The following LYPLAL1 variants were observed in gnomAD, a reference collection of about 807,000 sequenced individuals.
The protein encoded by LYPLAL1 is lysophospholipase-like protein 1.
Under a neutral mutation model 19.7 loss-of-function variants are expected in LYPLAL1, and 23 were observed. The ratio of observed to expected loss-of-function variants is 1.17; its 90% confidence interval spans 0.84 to 1.65. The LOEUF (loss-of-function observed/expected upper bound fraction) is 1.65. LYPLAL1 is among the 40% of genes most tolerant of loss of function. LYPLAL1 has a pLI of 0.00. For missense variants in LYPLAL1, 355 were observed against 279.4 expected, an observed-to-expected ratio of 1.27 and a Z score of -1.93; for synonymous variants, 119 against 96.3, an observed-to-expected ratio of 1.24 and a Z score of -1.38.
chr1:219,422,415 C>T, the LYPLAL1 span, among the ~76,000 whole-genome samples: 1 of 152,018 alleles, frequency 6.6e-6, no homozygotes, highest in East Asian at 1.9e-4. Context: ...ATAGGACTTC[C>T]CAAGGGTGGC....
the LYPLAL1 span, among the ~76,000 whole-genome samples, chr1:219,378,948 T>A: frequency 6.6e-6 from 1 of 152,190 alleles, no homozygotes; most frequent in Non-Finnish European, 1.5e-5. Context: ...TTGTTCACCA[T>A]TAAATGCTGA....
the LYPLAL1 span, among the ~76,000 whole-genome samples, chr1:219,380,606 G>A: frequency 2.0e-5 from 3 of 152,230 alleles, no homozygotes; most frequent in East Asian, 1.9e-4. Context: ...CACAGATGCC[G>A]CTGTAACTTG....
At chr1:219,181,699 T>C (rs190775628) in intron 2 of LYPLAL1, among the ~76,000 whole-genome samples, 50 of 152,248 alleles carry the variant, frequency 3.3e-4, no homozygotes, top group African/African-American at 1.1e-3. Context: ...TACATGGCTT[T>C]GGTTAATACT....
downstream of LYPLAL1, among the ~76,000 whole-genome samples, chr1:219,215,307 A>G (rs1239763504): frequency 2.6e-5 from 4 of 152,006 alleles, no homozygotes; most frequent in African/African-American, 9.7e-5. Context: ...TACTTGAATT[A>G]TTTCGGACAA....
At chr1:219,305,245 T>A in the LYPLAL1 span, among the ~76,000 whole-genome samples, 8 of 151,958 alleles carry the variant, frequency 5.3e-5, no homozygotes, top group African/African-American at 1.9e-4. Flanking sequence ...TGCCAGGTGA[T>A]GAGATATGAC....
the LYPLAL1 span, among the ~76,000 whole-genome samples, chr1:219,218,067 T>C: frequency 2.0e-5 from 3 of 151,978 alleles, no homozygotes; most frequent in Non-Finnish European, 4.4e-5. Context: ...AAATGTTTAT[T>C]GATAGGATTT....
the LYPLAL1 span, among the ~76,000 whole-genome samples, chr1:219,288,220 G>A: frequency 6.6e-6 from 1 of 152,174 alleles, no homozygotes; most frequent in Non-Finnish European, 1.5e-5. Context: ...CAACCAAGAT[G>A]TTCTTCAGTA....
At chr1:219,386,849 C>T in the LYPLAL1 span, among the ~76,000 whole-genome samples, 153 of 152,142 alleles carry the variant, frequency 1.0e-3, no homozygotes, top group African/African-American at 3.3e-3. Flanking sequence ...CAATAAATTC[C>T]ACCTCTGATA....
chr1:219,199,164 G>T (rs1033719051), intron 3 of LYPLAL1, among the ~76,000 whole-genome samples: 1 of 152,100 alleles, frequency 6.6e-6, no homozygotes, highest in Admixed American at 6.5e-5. Flanking sequence ...ATATGTATGT[G>T]AGTCCCTCAG....
chr1:219,286,078 T>C, the LYPLAL1 span, among the ~76,000 whole-genome samples: 2 of 152,262 alleles, frequency 1.3e-5, no homozygotes, highest in African/African-American at 2.4e-5. Context: ...GGCAAGCAGA[T>C]AACTGAAGCT....
downstream of LYPLAL1, among the ~76,000 whole-genome samples, chr1:219,216,459 GAGC>G (rs1448388884): frequency 6.6e-5 from 10 of 152,188 alleles, no homozygotes; most frequent in East Asian, 1.5e-3. Context: ...GGTGGTAGCA[GAGC>G]AGTGTTTAGT....
At chr1:219,312,216 G>T in the LYPLAL1 span, among the ~76,000 whole-genome samples, 1 of 152,198 alleles carries the variant, frequency 6.6e-6, no homozygotes, top group Non-Finnish European at 1.5e-5. Context: ...GGAGAGCTGG[G>T]CAAGTGAGGG....
the LYPLAL1 span, among the ~76,000 whole-genome samples, chr1:219,248,498 T>C: frequency 6.6e-6 from 1 of 152,166 alleles, no homozygotes; most frequent in Non-Finnish European, 1.5e-5. Context: ...TTTTGATTTC[T>C]CCTTTATTTC....
the LYPLAL1 span, among the ~76,000 whole-genome samples, chr1:219,352,942 CTA>C: frequency 6.6e-6 from 1 of 152,210 alleles, no homozygotes; most frequent in Non-Finnish European, 1.5e-5. Context: ...TTCTTATTTT[CTA>C]TAGTGTCAAA....
At chr1:219,337,141 G>A in the LYPLAL1 span, among the ~76,000 whole-genome samples, 159 of 133,586 alleles carry the variant, frequency 1.2e-3, 1 homozygote, top group African/African-American at 3.5e-3. Flanking sequence ...AAGAAATCTC[G>A]TGATTACATT....
At chr1:219,368,207 A>C in the LYPLAL1 span, among the ~76,000 whole-genome samples, 2 of 152,210 alleles carry the variant, frequency 1.3e-5, no homozygotes, top group Non-Finnish European at 2.9e-5. Flanking sequence ...CAAGGACAAT[A>C]CCAAGGATTC....
chr1:219,283,298 G>A, the LYPLAL1 span, among the ~76,000 whole-genome samples: 3 of 152,274 alleles, frequency 2.0e-5, no homozygotes, highest in East Asian at 1.9e-4. Flanking sequence ...AAATCCGGGT[G>A]TAACTTTATT....
chr1:219,405,780 C>T, the LYPLAL1 span, among the ~76,000 whole-genome samples: 5 of 152,168 alleles, frequency 3.3e-5, no homozygotes, highest in African/African-American at 4.8e-5. Context: ...AAAGACCTTC[C>T]AAGGCCAGTT....
chr1:219,223,002 A>C, the LYPLAL1 span: 1 of 152,046 alleles, frequency 6.6e-6, no homozygotes, highest in Non-Finnish European at 1.5e-5. Flanking sequence ...AAAAGGCTTC[A>C]CCTCTTAATA....
Sources: gnomAD v4.1 joint callset for allele counts (sites outside exome capture counted in the v4.1 genomes callset) on GRCh38, gnomAD v4.1.1 for gene constraint, MANE v1.5 for transcripts, NCBI Gene and HGNC (gene_info 2026-07-23, HGNC 2026-07-21) for gene names.